Variants in MYCBP2 observed in about 807,000 individuals in gnomAD.
MYCBP2 encodes E3 ubiquitin-protein ligase MYCBP2.
MYCBP2 carries 120 observed loss-of-function variants against 525.3 expected under a neutral mutation model. That is an observed-to-expected ratio of 0.23 (90% CI 0.20 to 0.27). The LOEUF (loss-of-function observed/expected upper bound fraction) is 0.27, where lower values mean the gene tolerates loss of function less well. MYCBP2 is among the 10% of genes least tolerant of loss of function. The pLI is 1.00. For synonymous variants in MYCBP2, 1,894 were observed against 1,955.8 expected (o/e 0.97, Z 0.83); for missense variants, 4,149 against 5,657.1 (o/e 0.73, Z 8.55).
At chr13:77,313,992 C>T (rs1439703267) in intron 1 of MYCBP2, among the ~76,000 whole-genome samples, 1 of 150,742 alleles carries the variant, frequency 6.6e-6, no homozygotes, top group East Asian at 1.9e-4. Context: ...AAATCCAGAA[C>T]ATAGACAACA....
chr13:77,229,252 T>G (rs2154299226), intron 18 of MYCBP2, among the ~76,000 whole-genome samples: 1 of 152,332 alleles, frequency 6.6e-6, no homozygotes, highest in East Asian at 1.9e-4. Context: ...AAATAAAATA[T>G]GAAAAGTGCT....
chr13:77,062,742 A>C (rs1566338513), intron 73 of MYCBP2, 45 bp from the exon 74 acceptor site: 1 of 1,483,896 alleles, frequency 6.7e-7, no homozygotes, highest in Admixed American at 1.7e-5. Context: ...TTTAGGAAAG[A>C]CTTATGAAAT....
chr13:77,209,377 T>C (rs771816605), intron 23 of MYCBP2, among the ~76,000 whole-genome samples: 4 of 152,228 alleles, frequency 2.6e-5, no homozygotes, highest in Middle Eastern at 3.2e-3. Context: ...CCAATTTTTA[T>C]TTTTGTTTTG....
At chr13:77,250,346 T>A (rs1299954952) in intron 15 of MYCBP2, among the ~76,000 whole-genome samples, 1 of 152,194 alleles carries the variant, frequency 6.6e-6, no homozygotes, top group South Asian at 2.1e-4. Context: ...CAGACAATAT[T>A]TGGGAAGAAG....
At chr13:77,167,238 T>A (rs1255265951) in intron 40 of MYCBP2, among the ~76,000 whole-genome samples, 1 of 152,084 alleles carries the variant, frequency 6.6e-6, no homozygotes, top group Non-Finnish European at 1.5e-5. Context: ...TATATACATA[T>A]ATAAATATAA....
In MYCBP2 at chr13:77,088,919, A is replaced by G. The variant is rs761547742; in HGVS notation, c.10638T>C (p.Phe3546=). ...ERNFQWPVLA[F]VIQHHDLEGL... is the part of the protein sequence containing the mutation. ...CTTCTAGATCATGATGTTGTATAAC[A>G]AAAGCTAAAACTGGCCACTGGAAAT... The change falls in exon 61 of 83, where the codon TTT becomes TTC. Residue 3546 remains phenylalanine (F), a synonymous_variant. Transcript: ENST00000544440. 3.1e-6 allele frequency: 5 copies of G among 1,613,386 alleles called. No individual in the cohort carries two copies. In the East Asian group the frequency reaches 8.9e-5, roughly 29 times the overall value.
chr13:77,263,914 A>G lies in MYCBP2; in HGVS notation c.1431+15T>C, dbSNP rs1286614090. 2.8e-5 allele frequency: 45 copies of G among 1,609,080 alleles called. No homozygotes were observed. The highest frequency in any genetic ancestry group is 3.5e-5 in the Non-Finnish European group (41 of 1,176,656). On this transcript the variant is annotated intron_variant, in intron 9 of 82. Coordinates refer to ENST00000544440, the MANE Select transcript of MYCBP2 (RefSeq NM_015057.5). ...ATTCCATTTACACTAGCTACTTAAGATTCAGGATACTTACATCTCTTGAAG... is the reference window on the plus strand; with the variant it reads ...ATTCCATTTACACTAGCTACTTAAGGTTCAGGATACTTACATCTCTTGAAG...
At chr13:77,316,188 T>C (rs571620495) in intron 1 of MYCBP2, among the ~76,000 whole-genome samples, 1 of 152,154 alleles carries the variant, frequency 6.6e-6, no homozygotes, top group Non-Finnish European at 1.5e-5. Flanking sequence ...TTTACAAAAC[T>C]ATTAAAGTTA....
At chr13:77,193,545 G>GGAACACT (rs2061486774) in intron 27 of MYCBP2, among the ~76,000 whole-genome samples, 1 of 152,006 alleles carries the variant, frequency 6.6e-6, no homozygotes, top group Non-Finnish European at 1.5e-5. Flanking sequence ...TTCAAACCAG[G>GGAACACT]GAACACTGAT....
intron 20 of MYCBP2, among the ~76,000 whole-genome samples, chr13:77,222,615 T>A (rs2065749585): frequency 6.6e-6 from 1 of 152,122 alleles, no homozygotes; most frequent in Non-Finnish European, 1.5e-5. Context: ...GATGCTGGCA[T>A]CCTATCAAGG....
chr13:77,205,453 C>T lies in MYCBP2; in HGVS notation c.3715+20G>A, dbSNP rs1043530951. ...TATTTCAGTTGTAAGACAACATTTC[C>T]TAAACCGAAGTATACATACTTTCAA... On this transcript the variant is annotated intron_variant, in intron 25 of 82. Coordinates refer to ENST00000544440, the MANE Select transcript of MYCBP2 (RefSeq NM_015057.5). 1.2e-6 allele frequency: 2 copies of T among 1,611,980 alleles called. No homozygotes were observed. The highest frequency in any genetic ancestry group is 3.4e-5 in the Admixed American group (2 of 59,594).
intron 3 of MYCBP2, among the ~76,000 whole-genome samples, chr13:77,285,907 A>G (rs540087598): frequency 8.6e-4 from 128 of 149,276 alleles, no homozygotes; most frequent in African/African-American, 3.0e-3. Flanking sequence ...AGCAAAGGAA[A>G]GCAAAGGAAG....
chr13:77,067,568 G>C lies in MYCBP2; in HGVS notation c.12455+13C>G, dbSNP rs1206960229. On this transcript the variant is annotated intron_variant, in intron 71 of 82. Coordinates refer to ENST00000544440, the MANE Select transcript of MYCBP2 (RefSeq NM_015057.5). ...TATTCTGTTTTGGTACTAAAATAGAGGCAATAACTAACCTGGAATTGAAAA... is the reference window on the plus strand; with the variant it reads ...TATTCTGTTTTGGTACTAAAATAGACGCAATAACTAACCTGGAATTGAAAA... 1 of 1,613,094 alleles carries C rather than the reference G, an allele frequency of 6.2e-7. No individual in the cohort carries two copies.
intron 1 of MYCBP2, among the ~76,000 whole-genome samples, chr13:77,325,593 A>G (rs1480365815): frequency 6.6e-6 from 1 of 152,258 alleles, no homozygotes; most frequent in Admixed American, 6.5e-5. Context: ...TCTACGCGCT[A>G]TTCAGATTTT....
chr13:77,246,218 T>C (rs570497519), intron 15 of MYCBP2, among the ~76,000 whole-genome samples: 4 of 152,304 alleles, frequency 2.6e-5, no homozygotes, highest in Admixed American at 6.5e-5. Flanking sequence ...TTAAAAGACA[T>C]AGCTAGACAC....
At chr13:77,047,311 G>C (rs2035769418) in intron 82 of MYCBP2, among the ~76,000 whole-genome samples, 1 of 151,628 alleles carries the variant, frequency 6.6e-6, no homozygotes. Context: ...TATTTTTTCT[G>C]ATTCTTAGAT....
chr13:77,322,536 A>C lies in MYCBP2; in HGVS notation c.302+3938T>G, dbSNP rs1302859794. The stretch of plus-strand genomic sequence containing the variant: ...TTCTATTTTGTGTGGAAAAACATAC[A>C]GTGCCATGCTGGTTGGAATTTTAAA... On this transcript the variant is annotated intron_variant, in intron 1 of 82. Transcript: ENST00000544440. Among the ~76,000 whole-genome samples, 6 of 152,240 alleles carry C rather than the reference A, an allele frequency of 3.9e-5. No homozygotes were observed. The East Asian group carries it at 1.2e-3, about 29-fold the overall frequency.
At chr13:77,141,891 C>T (rs1206467080) in intron 49 of MYCBP2, among the ~76,000 whole-genome samples, 2 of 151,844 alleles carry the variant, frequency 1.3e-5, no homozygotes, top group Non-Finnish European at 2.9e-5. Flanking sequence ...TGTCTATGGT[C>T]AAGCAAGGTC....
chr13:77,296,695 G>T, intron 1 of MYCBP2, 21 bp from the exon 2 acceptor site: 1 of 1,313,060 alleles, frequency 7.6e-7, no homozygotes. Flanking sequence ...AAAGAAAAAT[G>T]GGAAAAAAAT....
Sources: gnomAD v4.1 joint callset for allele counts (sites outside exome capture counted in the v4.1 genomes callset) on GRCh38, gnomAD v4.1.1 for gene constraint, MANE v1.5 for transcripts, NCBI Gene and HGNC (gene_info 2026-07-23, HGNC 2026-07-21) for gene names.